CSNK1G1: variants seen among roughly 807,000 people sequenced by gnomAD.
CSNK1G1 encodes casein kinase 1 gamma 1, also known as casein kinase I isoform gamma-1.
Under a neutral mutation model 59.6 loss-of-function variants are expected in CSNK1G1, and 22 were observed. The ratio of observed to expected loss-of-function variants is 0.37; its 90% confidence interval spans 0.26 to 0.53. The LOEUF (loss-of-function observed/expected upper bound fraction) is 0.53. CSNK1G1 is among the 20% of genes least tolerant of loss of function. The pLI is 0.89. For synonymous variants in CSNK1G1, 179 were observed against 177.1 expected (o/e 1.01, Z -0.08); for missense variants, 384 against 519.5 (o/e 0.74, Z 2.54).
At chr15:64,314,569 A>T (rs1463015865) in intron 1 of CSNK1G1, among the ~76,000 whole-genome samples, 2 of 151,584 alleles carry the variant, frequency 1.3e-5, no homozygotes, top group Non-Finnish European at 2.9e-5. Flanking sequence ...CAGAATTAAA[A>T]AAAAAAAAAA....
At chr15:64,298,652 G>A (rs1331245961) in intron 2 of CSNK1G1, among the ~76,000 whole-genome samples, 3 of 152,108 alleles carry the variant, frequency 2.0e-5, no homozygotes, top group African/African-American at 7.2e-5. Context: ...AATGGTCTCT[G>A]GCTAGTATAG....
At chr15:64,342,152 T>A (rs1897712081) in intron 1 of CSNK1G1, among the ~76,000 whole-genome samples, 1 of 152,224 alleles carries the variant, frequency 6.6e-6, no homozygotes, top group South Asian at 2.1e-4. Flanking sequence ...CTCGTGGCTC[T>A]CCAGATATTA....
At chr15:64,186,168 G>A (rs893060752) in intron 10 of CSNK1G1, among the ~76,000 whole-genome samples, 5 of 151,972 alleles carry the variant, frequency 3.3e-5, no homozygotes, top group African/African-American at 7.2e-5. Flanking sequence ...GTGCAGGGGC[G>A]CAATCTCAGC....
At chr15:64,198,426 G>C (rs138640359) in intron 10 of CSNK1G1, among the ~76,000 whole-genome samples, 2 of 151,526 alleles carry the variant, frequency 1.3e-5, no homozygotes, top group African/African-American at 4.9e-5. Flanking sequence ...GGCTGGTCTC[G>C]AACTCCTGGC....
At chr15:64,345,679 C>G (rs1224910264) in intron 1 of CSNK1G1, among the ~76,000 whole-genome samples, 1 of 152,144 alleles carries the variant, frequency 6.6e-6, no homozygotes, top group Non-Finnish European at 1.5e-5. Context: ...AACAATGCTT[C>G]TAATTACATT....
intron 1 of CSNK1G1, among the ~76,000 whole-genome samples, chr15:64,351,564 A>G (rs913913544): frequency 6.6e-6 from 1 of 152,198 alleles, no homozygotes; most frequent in Non-Finnish European, 1.5e-5. Flanking sequence ...CAGCTAGTAT[A>G]CTATCTCTTA....
chr15:64,229,931 TTTTTTTTTA>T (rs2082522533), intron 4 of CSNK1G1, among the ~76,000 whole-genome samples: 1 of 109,976 alleles, frequency 9.1e-6, no homozygotes, highest in Non-Finnish European at 2.0e-5. Context: ...TTTTTTTTTT[TTTTTTTTTA>T]AGACAGAATC....
intron 4 of CSNK1G1, among the ~76,000 whole-genome samples, chr15:64,246,309 AT>A (rs1409552367): frequency 8.5e-5 from 13 of 152,104 alleles, no homozygotes; most frequent in African/African-American, 3.1e-4. Flanking sequence ...TGACTACTGC[AT>A]TTGTGAAGTT....
At chr15:64,278,774 T>C (rs774607507) in intron 2 of CSNK1G1, among the ~76,000 whole-genome samples, 1 of 152,188 alleles carries the variant, frequency 6.6e-6, no homozygotes, top group Non-Finnish European at 1.5e-5. Context: ...AATGTACATA[T>C]AGGAGAAGAC....
At position 64,355,126 on chromosome 15, in the gene CSNK1G1, C is replaced by T. The variant is rs150690802; in HGVS notation, c.-225+862G>A. On this transcript the variant is annotated intron_variant, in intron 1 of 11. Transcript: ENST00000303052. ...AAAGCCTTGCCTCAACATGTCTTGC[C>T]TAGACCTGTGATACATCTATATGGT... Among the ~76,000 whole-genome samples, 7 of 152,322 alleles carry T rather than the reference C, an allele frequency of 4.6e-5. No homozygotes were observed. The East Asian group carries it at 7.7e-4, about 17-fold the overall frequency.
intron 2 of CSNK1G1, among the ~76,000 whole-genome samples, chr15:64,276,228 T>C (rs1893609844): frequency 6.6e-6 from 1 of 152,150 alleles, no homozygotes; most frequent in Non-Finnish European, 1.5e-5. Flanking sequence ...CAAAGAAAAT[T>C]TGTAAAATGT....
intron 3 of CSNK1G1, among the ~76,000 whole-genome samples, chr15:64,258,435 G>C (rs749596919): frequency 1.1e-4 from 17 of 151,492 alleles, no homozygotes; most frequent in Non-Finnish European, 1.5e-4. Context: ...GAATAGCATA[G>C]ATTTCCTTCA....
At chr15:64,224,097 TTTAAAAACTAAA>T (rs779654856) in intron 4 of CSNK1G1, among the ~76,000 whole-genome samples, 1 of 152,240 alleles carries the variant, frequency 6.6e-6, no homozygotes, top group Non-Finnish European at 1.5e-5. Flanking sequence ...TTCATTCTTT[TTTAAAAACTAAA>T]TTACCTAACT....
intron 1 of CSNK1G1, among the ~76,000 whole-genome samples, chr15:64,303,551 A>G (rs113988858): frequency 0.017 from 2,570 of 152,092 alleles, 79 homozygotes; most frequent in African/African-American, 0.059. Context: ...CAGGAGTTCA[A>G]GACCAGCCTG....
intron 4 of CSNK1G1, among the ~76,000 whole-genome samples, chr15:64,236,272 T>C (rs2082616164): frequency 6.6e-6 from 1 of 152,154 alleles, no homozygotes; most frequent in African/African-American, 2.4e-5. Flanking sequence ...GATGACAATG[T>C]CTAAATCTTC....
At chr15:64,320,049 T>A (rs1226959224) in intron 1 of CSNK1G1, among the ~76,000 whole-genome samples, 1 of 149,544 alleles carries the variant, frequency 6.7e-6, no homozygotes, top group Admixed American at 6.8e-5. Flanking sequence ...GTACAACAAG[T>A]GAGCACCATG....
rs1193060492 is a variant in CSNK1G1 at position 64,167,803 on chromosome 15, G to C, written c.*4128C>G. ...CATCAAACGAAAGTTCCTCTGAGAA[G>C]ACGTTTTCTTGGCTGCCATGGAAGT... On this transcript the variant is annotated 3_prime_UTR_variant, in exon 12 of 12. Transcript: ENST00000303052. 6.6e-6 allele frequency: 1 copy of C among 152,516 alleles called. No homozygotes were observed. The highest frequency in any genetic ancestry group is 1.5e-5 in the Non-Finnish European group (1 of 68,042). The allele number at this position is 152,516 out of a possible 1,614,324, so 9.4% of individuals were successfully genotyped here.
chr15:64,201,046 T>C (rs1596083569), intron 10 of CSNK1G1, among the ~76,000 whole-genome samples: 1 of 151,838 alleles, frequency 6.6e-6, no homozygotes, highest in South Asian at 2.1e-4. Flanking sequence ...CCGAGGCAGG[T>C]GGATGACCTG....
intron 1 of CSNK1G1, among the ~76,000 whole-genome samples, chr15:64,327,687 G>A (rs532176329): frequency 5.1e-4 from 77 of 152,108 alleles, no homozygotes; most frequent in African/African-American, 1.8e-3. Flanking sequence ...TGATTTTGAC[G>A]AGGTGAGAGA....
Sources: gnomAD v4.1 joint callset for allele counts (sites outside exome capture counted in the v4.1 genomes callset) on GRCh38, gnomAD v4.1.1 for gene constraint, MANE v1.5 for transcripts, NCBI Gene and HGNC (gene_info 2026-07-23, HGNC 2026-07-21) for gene names.